The following KLHL13 variants were observed in gnomAD, a reference collection of about 807,000 sequenced individuals.
KLHL13 encodes kelch-like protein 13.
In KLHL13, 10 loss-of-function variants were observed where a neutral mutation model predicts 37.1. The ratio of observed to expected loss-of-function variants is 0.27; its 90% CI spans 0.17 to 0.46. The LOEUF (loss-of-function observed/expected upper bound fraction) is 0.46, where lower values mean the gene tolerates loss of function less well. Among genes scored for constraint, KLHL13 ranks in the 20% least tolerant of loss-of-function variants. The probability of loss-of-function intolerance (pLI) is 1.00; values close to 1 mark genes in which losing one functional copy is unlikely to be tolerated. For missense variants in KLHL13, 360 were observed against 509.3 expected, an observed-to-expected ratio of 0.71 and a Z score of 2.82; for synonymous variants, 163 against 181.2, an observed-to-expected ratio of 0.90 and a Z score of 0.81.
chrX:118,033,587 G>A (rs937289059), intron 1 of KLHL13, among the ~76,000 whole-genome samples: 45 of 110,338 alleles, frequency 4.1e-4, no homozygotes, highest in Non-Finnish European at 7.9e-4. Flanking sequence ...GATCCTGAAG[G>A]AAGCACTAAA....
intron 1 of KLHL13, among the ~76,000 whole-genome samples, chrX:118,031,748 C>T (rs939634190): frequency 1.9e-5 from 2 of 105,202 alleles, no homozygotes; most frequent in African/African-American, 3.5e-5. Flanking sequence ...CCAAGATGGC[C>T]GAATAGGAAC....
At chrX:117,959,861 T>C (rs2053262714) in intron 1 of KLHL13, among the ~76,000 whole-genome samples, 1 of 111,604 alleles carries the variant, frequency 9.0e-6, no homozygotes. Flanking sequence ...AGCAAGTTCA[T>C]TTAGAACTTT....
intron 1 of KLHL13, among the ~76,000 whole-genome samples, chrX:117,955,679 T>A (rs1188085030): frequency 1.8e-5 from 2 of 111,888 alleles, no homozygotes; most frequent in African/African-American, 6.5e-5. Context: ...TCATCACAGA[T>A]ACGTGGCTCA....
chrX:118,117,263 C>T (rs2055483148), upstream of KLHL13: 2 of 112,337 alleles, frequency 1.8e-5, no homozygotes, highest in Admixed American at 1.9e-4. Flanking sequence ...GCCCTGGAAG[C>T]GGTGCCACCT....
intron 1 of KLHL13, among the ~76,000 whole-genome samples, chrX:118,097,616 T>G (rs1602722275): frequency 9.0e-6 from 1 of 111,730 alleles, no homozygotes; most frequent in Non-Finnish European, 1.9e-5. Flanking sequence ...GAGCCCGCAT[T>G]GCCAAGTCGA....
intron 1 of KLHL13, among the ~76,000 whole-genome samples, chrX:118,087,064 G>A (rs765043701): frequency 3.6e-5 from 4 of 111,553 alleles, no homozygotes; most frequent in Middle Eastern, 4.6e-3. Flanking sequence ...TATTGAAAAT[G>A]AGAAAAATAC....
intron 1 of KLHL13, among the ~76,000 whole-genome samples, chrX:118,113,546 C>T (rs911540453): frequency 1.8e-5 from 2 of 112,121 alleles, no homozygotes; most frequent in Admixed American, 1.9e-4. Context: ...CCCTCAAGGC[C>T]TTGGCTCTTA....
rs932794268 is a variant in KLHL13, at chrX:117,923,416, ATTC to A, written c.241-3049_241-3047del. Among the ~76,000 whole-genome samples the A allele has an allele frequency of 8.9e-5, 10 of 111,771 alleles. 1 individual carries two copies. Among genetic ancestry groups the A allele is most frequent in the African/African-American group, 2.9e-4 (9 of 30,797 alleles). Reference sequence around the variant, plus strand: ...ATGTTTATTTATCAAATAGTTTTTTATTCTTCTTCTCTAAAGCATACGTAGACA... The same window carrying A: ...ATGTTTATTTATCAAATAGTTTTTTATTCTTCTCTAAAGCATACGTAGACA... On this transcript the variant is annotated intron_variant, in intron 2 of 6. Transcript: ENST00000262820.
At chrX:118,073,585 C>T (rs895470782) in intron 1 of KLHL13, among the ~76,000 whole-genome samples, 1 of 111,679 alleles carries the variant, frequency 9.0e-6, no homozygotes, top group South Asian at 3.8e-4. Context: ...TCAGCCCTAC[C>T]TGTACTAGGG....
At chrX:118,032,711 C>T (rs1229349350) in intron 1 of KLHL13, among the ~76,000 whole-genome samples, 1 of 112,282 alleles carries the variant, frequency 8.9e-6, no homozygotes, top group Non-Finnish European at 1.9e-5. Flanking sequence ...AACGCAGTTC[C>T]TCACCAGCAA....
chrX:117,912,881 T>C (rs1335422396), intron 4 of KLHL13, among the ~76,000 whole-genome samples: 1 of 111,383 alleles, frequency 9.0e-6, no homozygotes, highest in African/African-American at 3.3e-5. Context: ...ACTACAAGTA[T>C]CAAAAATATA....
Position 117,909,964 on chromosome X carries a change from G to C in KLHL13, c.703C>G (p.Leu235Val), listed in dbSNP as rs867099647. The change falls in exon 5 of 7, where the codon CTC becomes GTC. Residue 235 changes from leucine (L) to valine (V), a missense_variant. By Grantham distance (32) the Leu-to-Val change is conservative (BLOSUM62 1). Around this residue, in one of 2 missense-constraint regions of KLHL13, gnomAD observed 194 missense variants for 225.0 expected, o/e 0.86. Coordinates refer to ENST00000262820, the Ensembl canonical transcript of KLHL13. Reference sequence around the variant, plus strand: ...ACGAAGGCAAGACGCTCAAAAGGGAGTTTCAAGAACTCCCCTGTGCTCAGC... The same window carrying C: ...ACGAAGGCAAGACGCTCAAAAGGGACTTTCAAGAACTCCCCTGTGCTCAGC... 1.2e-5 allele frequency: 14 copies of C among 1,211,497 alleles called. 1 individual carries two copies. In the Middle Eastern group the frequency reaches 3.0e-3, roughly 258 times the overall value.
intron 1 of KLHL13, among the ~76,000 whole-genome samples, chrX:118,056,030 T>C: frequency 8.9e-6 from 1 of 111,744 alleles, no homozygotes; most frequent in African/African-American, 3.2e-5. Context: ...ATTTTTACTT[T>C]ATTTTTTCAG....
At chrX:117,985,511 A>C (rs2053714228) in intron 1 of KLHL13, 1 of 260,719 alleles carries the variant, frequency 3.8e-6, no homozygotes, top group Admixed American at 9.5e-5. Flanking sequence ...TAGTCAGTGT[A>C]GTTGAACTAT....
At chrX:117,915,100 A>C (rs1251902256) in intron 4 of KLHL13, among the ~76,000 whole-genome samples, 2 of 111,836 alleles carry the variant, frequency 1.8e-5, no homozygotes, top group Non-Finnish European at 3.8e-5. Context: ...ATTCATTTTT[A>C]ATTTTAATTA....
chrX:118,074,294 A>G (rs2054905674), intron 1 of KLHL13, among the ~76,000 whole-genome samples: 1 of 111,947 alleles, frequency 8.9e-6, no homozygotes, highest in Admixed American at 9.5e-5. Flanking sequence ...GGTTCTCATA[A>G]GGGTTCAGAA....
intron 5 of KLHL13, among the ~76,000 whole-genome samples, chrX:117,905,265 G>A (rs766354654): frequency 1.8e-5 from 2 of 111,825 alleles, no homozygotes; most frequent in Non-Finnish European, 3.8e-5. Context: ...ATATTTAACT[G>A]AAGTGAAAGA....
At chrX:118,070,725 T>C (rs909044903) in intron 1 of KLHL13, among the ~76,000 whole-genome samples, 4 of 104,673 alleles carry the variant, frequency 3.8e-5, no homozygotes, top group Admixed American at 1.0e-4. Flanking sequence ...TGTCATTTTC[T>C]TTTTTTTAAT....
intron 1 of KLHL13, among the ~76,000 whole-genome samples, chrX:117,955,168 A>G (rs184395771): frequency 2.2e-3 from 252 of 112,016 alleles, no homozygotes; most frequent in African/African-American, 7.5e-3. Flanking sequence ...CTCAAAACCA[A>G]TTAGAAATAA....
Sources: allele counts gnomAD v4.1 joint callset (sites outside exome capture counted in the v4.1 genomes callset), GRCh38; gene constraint gnomAD v4.1.1; regional missense constraint gnomAD v4.1.1; transcripts MANE v1.5; gene names NCBI Gene and HGNC (gene_info 2026-07-23, HGNC 2026-07-21).